LTBP4: variants seen among roughly 807,000 people sequenced by gnomAD.
LTBP4 encodes latent transforming growth factor beta binding protein 4.
A neutral mutation model predicts 180.2 loss-of-function variants in LTBP4; 93 were observed. The observed-to-expected ratio is 0.52, with a 90% CI of 0.44 to 0.61. The LOEUF (loss-of-function observed/expected upper bound fraction) is 0.61, where lower values mean the gene tolerates loss of function less well. Among genes scored for constraint, LTBP4 ranks in the 20% least tolerant of loss-of-function variants. The pLI is 0.00. For missense variants in LTBP4, 2,116 were observed against 2,256.5 expected (o/e 0.94, Z 1.26); for synonymous variants, 947 against 934.5 (o/e 1.01, Z -0.24).
chr19:40,602,401 G>C (rs1599859064), intron 1 of LTBP4, among the ~76,000 whole-genome samples: 1 of 152,068 alleles, frequency 6.6e-6, no homozygotes, highest in Non-Finnish European at 1.5e-5. Flanking sequence ...TGCAAAAGTG[G>C]GCAGACTCTC....
chr19:40,616,375 G>A lies in LTBP4; in HGVS notation c.2813-514G>A, dbSNP rs113571458. The stretch of plus-strand genomic sequence containing the variant: ...GAAGGCTGAGGCAGCTAGATTGCCT[G>A]AGGTCAGAAGTTCATCACCAGCCTG... On this transcript the variant is annotated intron_variant, in intron 19 of 29. Coordinates refer to ENST00000396819, the MANE Select transcript of LTBP4 (RefSeq NM_001042545.2). Among the ~76,000 whole-genome samples, 957 of 151,208 alleles carry A rather than the reference G, an allele frequency of 6.3e-3. 6 individuals carry two copies. The highest frequency in any genetic ancestry group is 0.015 in the Admixed American group (225 of 15,192).
In LTBP4 at chr19:40,627,321, G is replaced by C. The variant is rs2081642646; in HGVS notation, c.4332G>C (p.Glu1444Asp). ...GGGACACCCGCCGCTCCTTCCCAGA[G>C]CCCGAGGAGCCTCCTGAAGGTGGAA... ...RSRDTRRSFP[E>D]PEEPPEGGSY... Residue 1444 changes from glutamate to aspartate, a missense_variant, in exon 28 of 30, where the codon GAG becomes GAC. Glu to Asp is a conservative substitution (Grantham distance 45, BLOSUM62 2). This residue lies in a region of LTBP4 where 488 missense variants were observed against 458.8 expected (regional missense o/e 1.06). Transcript: ENST00000396819. The C allele has an allele frequency of 6.6e-7, 1 of 1,521,504 alleles. No homozygotes were observed. The highest frequency in any genetic ancestry group is 2.4e-5 in the East Asian group (1 of 41,902). The allele number at this position is 1,521,504 out of a possible 1,614,324, so 94.3% of individuals were successfully genotyped here. A position where few individuals can be genotyped will look rare whatever the true frequency, so the allele number is the denominator to read the frequency against.
At chr19:40,602,268 A>G (rs2081429872) in intron 1 of LTBP4, among the ~76,000 whole-genome samples, 1 of 149,574 alleles carries the variant, frequency 6.7e-6, no homozygotes, top group South Asian at 2.1e-4. Context: ...AAGAGGGCTT[A>G]CGGAAGGGGC....
upstream of LTBP4, chr19:40,599,223 GC>G: frequency 6.2e-7 from 1 of 1,612,374 alleles, no homozygotes; most frequent in Non-Finnish European, 8.5e-7. Context: ...TGCTGCCCGG[GC>G]CAGACGTCTA....
At position 40,623,671 on chromosome 19, in the gene LTBP4, G is replaced by A; in HGVS notation, c.3624G>A (p.Pro1208=). Residue 1208 remains proline (P), a synonymous_variant, in exon 25 of 30, where the codon CCG becomes CCA. Coordinates refer to ENST00000396819, the MANE Select transcript of LTBP4 (RefSeq NM_001042545.2). ...CKSGVCVNTA[P]GYSCYCSNGY... is the part of the protein sequence containing the mutation. Reference sequence around the variant, plus strand: ...GTGGCGTGTGTGTGAACACGGCCCCGGGCTACTCATGCTATTGCAGCAACG... The same window carrying A: ...GTGGCGTGTGTGTGAACACGGCCCCAGGCTACTCATGCTATTGCAGCAACG... 6.2e-7 allele frequency: 1 copy of A among 1,613,642 alleles called. No individual in the cohort carries two copies. Among genetic ancestry groups the A allele is most frequent in the Non-Finnish European group, 8.5e-7 (1 of 1,179,826 alleles).
At chr19:40,614,694 T>A (rs1241251334) in intron 19 of LTBP4, among the ~76,000 whole-genome samples, 1 of 152,108 alleles carries the variant, frequency 6.6e-6, no homozygotes, top group Non-Finnish European at 1.5e-5. Context: ...CGGTCCACAT[T>A]TTAGGCTATG....
At position 40,623,014 on chromosome 19, in the gene LTBP4, C is replaced by T; in HGVS notation, c.3549C>T (p.Leu1183=). The T allele has an allele frequency of 1.9e-6, 3 of 1,610,588 alleles. No homozygotes were observed. The highest frequency in any genetic ancestry group is 2.5e-6 in the Non-Finnish European group (3 of 1,178,566). Reference sequence around the variant, plus strand: ...TGGCGCCCAGTGGAGACCTGAGCCTCCGGAGAGGTGAGGCCAGCCTTTGAC... The same window carrying T: ...TGGCGCCCAGTGGAGACCTGAGCCTTCGGAGAGGTGAGGCCAGCCTTTGAC... The part of the protein sequence containing the change: ...GYLAPSGDLS[L]RRDVDECQLF... Residue 1183 remains leucine (L), a synonymous_variant, in exon 24 of 30, where the codon CTC becomes CTT. Coordinates refer to ENST00000396819, the MANE Select transcript of LTBP4 (RefSeq NM_001042545.2).
At chr19:40,606,051 G>A (rs1229745265) in intron 4 of LTBP4, among the ~76,000 whole-genome samples, 182 bp from the exon 5 acceptor site, 1 of 152,086 alleles carries the variant, frequency 6.6e-6, no homozygotes, top group African/African-American at 2.4e-5. Flanking sequence ...TTTGTGCCTT[G>A]GCCCCCCACC....
chr19:40,606,302 G>A lies in LTBP4; in HGVS notation c.863G>A (p.Cys288Tyr). ...PTGFERVNGSCEDVDECATGG... is the reference protein window; with the variant it reads ...PTGFERVNGSYEDVDECATGG... ...GGCTTTGAAAGAGTTAATGGGTCCT[G>A]CGAAGGTGCAACGGGGCAGGGGTGG... Residue 288 changes from cysteine (C) to tyrosine (Y), a missense_variant, in exon 5 of 30, where the codon TGC becomes TAC. Physicochemically the swap from Cys to Tyr is radical, Grantham distance 194 (BLOSUM62 -2). Around this residue, in one of 5 missense-constraint regions of LTBP4, gnomAD observed 469 missense variants for 532.5 expected, o/e 0.88. Coordinates refer to ENST00000396819, the MANE Select transcript of LTBP4 (RefSeq NM_001042545.2). 6.2e-7 allele frequency: 1 copy of A among 1,601,676 alleles called. No individual in the cohort carries two copies. Among genetic ancestry groups the A allele is most frequent in the South Asian group, 1.1e-5 (1 of 88,518 alleles).
intron 26 of LTBP4, among the ~76,000 whole-genome samples, chr19:40,625,269 TATATATATATATATATATATATATATA>T (rs2081617578): frequency 5.4e-4 from 2 of 3,724 alleles, no homozygotes; most frequent in Admixed American, 2.0e-3. Context: ...TATATATATA[TATATATATATATATATATATATATATA>T]TATATATATA....
intron 12 of LTBP4, chr19:40,610,895 G>T (rs2081500937): frequency 1.4e-6 from 1 of 729,180 alleles, no homozygotes; most frequent in Non-Finnish European, 2.2e-6. Context: ...AGGAGGGATG[G>T]AGATGTCAGT....
At chr19:40,621,896 C>CAT (rs1568412280) in intron 22 of LTBP4, among the ~76,000 whole-genome samples, 1 of 152,110 alleles carries the variant, frequency 6.6e-6, no homozygotes, top group East Asian at 1.9e-4. Context: ...TACAGGCATG[C>CAT]GCCACCACAC....
chr19:40,622,894 G>A lies in LTBP4; in HGVS notation c.3485-56G>A. Reference sequence around the variant, plus strand: ...TTTTGTGACAAGTGGGCACGAGCAGGTCAGGGCTGGGGCTGGGGCTCTGGT... The same window carrying A: ...TTTTGTGACAAGTGGGCACGAGCAGATCAGGGCTGGGGCTGGGGCTCTGGT... On this transcript the variant is annotated intron_variant, in intron 23 of 29. Transcript: ENST00000396819. The surrounding 1 kb of genome is among the most constrained non-coding windows in gnomAD (Gnocchi z 5.1). The A allele has an allele frequency of 6.4e-7, 1 of 1,570,440 alleles. No homozygotes were observed. The highest frequency in any genetic ancestry group is 8.7e-7 in the Non-Finnish European group (1 of 1,148,284).
intron 24 of LTBP4, among the ~76,000 whole-genome samples, chr19:40,623,302 G>A (rs1039750067): frequency 1.3e-5 from 2 of 151,662 alleles, no homozygotes; most frequent in South Asian, 2.1e-4. Context: ...AGCCTCTGGC[G>A]TAGCTGGCTA....
chr19:40,623,791 C>G, intron 25 of LTBP4, 59 bp downstream of exon 25: 1 of 1,606,904 alleles, frequency 6.2e-7, no homozygotes, highest in Non-Finnish European at 8.5e-7. Context: ...GCCTTGCCAG[C>G]TCCCCTCTGG....
At position 40,605,906 on chromosome 19, in the gene LTBP4, C is replaced by G; in HGVS notation, c.793+75C>G. On this transcript the variant is annotated intron_variant, in intron 4 of 29. Coordinates refer to ENST00000396819, the MANE Select transcript of LTBP4 (RefSeq NM_001042545.2). This position sits in a 1 kb window ranked among gnomAD's most constrained non-coding sequence, Gnocchi z 5.5. ...ACCTCACCGTTCCTCCTACTCTGCC[C>G]TAGATAAACCCAGTTCACAAATTGT... 2 of 1,443,082 alleles carry G rather than the reference C, an allele frequency of 1.4e-6. No homozygotes were observed. Among genetic ancestry groups the G allele is most frequent in the Non-Finnish European group, 1.9e-6 (2 of 1,073,424 alleles). 89.4% of individuals were successfully genotyped at this position (1,443,082 alleles called of 1,614,324 possible). A position where few individuals can be genotyped will look rare whatever the true frequency, so the allele number is the denominator to read the frequency against.
Position 40,613,206 on chromosome 19 carries a change from A to G in LTBP4, c.2431+10A>G. 6.4e-7 allele frequency: 1 copy of G among 1,560,858 alleles called. No homozygotes were observed. The highest frequency in any genetic ancestry group is 1.4e-5 in the African/African-American group (1 of 73,490). On this transcript the variant is annotated intron_variant, in intron 16 of 29. Coordinates refer to ENST00000396819, the MANE Select transcript of LTBP4 (RefSeq NM_001042545.2). The surrounding 1 kb of genome is among the most constrained non-coding windows in gnomAD (Gnocchi z 5.0). The stretch of plus-strand genomic sequence containing the variant: ...CCCGGGCCCTGCGCAGGTGAGCAGC[A>G]TAGGGACCCGCCAGAGAGTCTGGGA...
At position 40,617,200 on chromosome 19, in the gene LTBP4, G is replaced by A. The variant is rs765793712; in HGVS notation, c.3045G>A (p.Gly1015=). The A allele has an allele frequency of 2.5e-6, 4 of 1,613,828 alleles. No homozygotes were observed. Among genetic ancestry groups the A allele is most frequent in the Non-Finnish European group, 3.4e-6 (4 of 1,179,818 alleles). The part of the protein sequence containing the change: ...FQCLCDQGYE[G]ARDGRHCVDV... ...GCCTCTGTGACCAGGGTTACGAGGG[G>A]GCACGGGATGGGCGTCACTGCGTGG... is the stretch of plus-strand genomic sequence containing the variant. The change falls in exon 21 of 30, where the codon GGG becomes GGA. Residue 1015 remains glycine, a synonymous_variant. Coordinates refer to ENST00000396819, the MANE Select transcript of LTBP4 (RefSeq NM_001042545.2).
chr19:40,597,356 C>T, upstream of LTBP4: 1 of 1,521,194 alleles, frequency 6.6e-7, no homozygotes, highest in Non-Finnish European at 8.8e-7. Context: ...GTCGAGGTCC[C>T]GGGGGTCCCC....
Sources: allele counts gnomAD v4.1 joint callset (sites outside exome capture counted in the v4.1 genomes callset), GRCh38; gene constraint gnomAD v4.1.1; regional missense constraint gnomAD v4.1.1; non-coding constraint Gnocchi (gnomAD v3.1); transcripts MANE v1.5; gene names NCBI Gene and HGNC (gene_info 2026-07-23, HGNC 2026-07-21).